The following DIAPH3 variants were observed in gnomAD, a reference collection of about 807,000 sequenced individuals.
The protein encoded by DIAPH3 is diaphanous related formin 3.
A neutral mutation model predicts 144.3 loss-of-function variants in DIAPH3; 117 were observed. The ratio of observed to expected loss-of-function variants is 0.81; its 90% CI spans 0.70 to 0.95. The LOEUF (loss-of-function observed/expected upper bound fraction) is 0.95. Among genes scored for constraint, DIAPH3 ranks in the 40% least tolerant of loss-of-function variants. DIAPH3 has a pLI of 0.00. For missense variants in DIAPH3, 1,421 were observed against 1,412.7 expected (o/e 1.01, Z -0.09); for synonymous variants, 519 against 488.9 (o/e 1.06, Z -0.81).
At chr13:60,148,868 G>C (rs1301790408) in intron 1 of DIAPH3, among the ~76,000 whole-genome samples, 1 of 152,192 alleles carries the variant, frequency 6.6e-6, no homozygotes, top group East Asian at 1.9e-4. Context: ...CAACACTGTA[G>C]TATGTGTTGA....
chr13:59,818,756 G>C (rs2040912106), intron 24 of DIAPH3, among the ~76,000 whole-genome samples: 1 of 151,650 alleles, frequency 6.6e-6, no homozygotes, highest in Non-Finnish European at 1.5e-5. Context: ...TTTGCATTCT[G>C]GACAATTTAT....
At chr13:59,982,400 T>G (rs770992509) in intron 13 of DIAPH3, among the ~76,000 whole-genome samples, 3 of 151,368 alleles carry the variant, frequency 2.0e-5, no homozygotes, top group Non-Finnish European at 4.4e-5. Flanking sequence ...TTTCTTAATT[T>G]CTGCTTCCTC....
At position 60,068,385 on chromosome 13, in the gene DIAPH3, T is replaced by C. The variant is rs183794855; in HGVS notation, c.495+25243A>G. Among the ~76,000 whole-genome samples, 343 of 152,356 alleles carry C rather than the reference T, an allele frequency of 2.3e-3. 2 individuals are homozygous for C. The highest frequency in any genetic ancestry group is 7.5e-3 in the African/African-American group (313 of 41,586). On this transcript the variant is annotated intron_variant, in intron 4 of 27. Coordinates refer to ENST00000400324, the MANE Select transcript of DIAPH3 (RefSeq NM_001042517.2). Reference sequence around the variant, plus strand: ...AGTAAAGATACTGGTAGGTATAAAGTTACTTTAATTTGGATATCCATACTG... The same window carrying C: ...AGTAAAGATACTGGTAGGTATAAAGCTACTTTAATTTGGATATCCATACTG...
At chr13:60,121,561 T>C (rs1163167018) in intron 2 of DIAPH3, among the ~76,000 whole-genome samples, 3 of 152,166 alleles carry the variant, frequency 2.0e-5, no homozygotes, top group Admixed American at 1.3e-4. Flanking sequence ...AGCTGGAAGC[T>C]TTTGAAGTAA....
At chr13:60,038,349 T>C (rs17057553) in intron 5 of DIAPH3, among the ~76,000 whole-genome samples, 13,360 of 152,136 alleles carry the variant, frequency 0.088, 640 homozygotes, top group East Asian at 0.14. Context: ...CTTCCTCAGA[T>C]CATGTTGATA....
rs9598078 is a variant in DIAPH3, at chr13:60,017,708, A to G, written c.627-1563T>C. ...TTAGACTGGCAATCTCTTGTCAGAC[A>G]ATATTTTACTCATCTCTTGCCAGTG... On this transcript the variant is annotated intron_variant, in intron 5 of 27. Coordinates refer to ENST00000400324, the MANE Select transcript of DIAPH3 (RefSeq NM_001042517.2). 8.2e-3 allele frequency among the ~76,000 whole-genome samples: 1,246 copies of G among 152,346 alleles called. 13 individuals are homozygous for G. The highest frequency in any genetic ancestry group is 0.013 in the Non-Finnish European group (885 of 68,016).
At chr13:60,052,567 T>C (rs192159319) in intron 4 of DIAPH3, among the ~76,000 whole-genome samples, 1 of 152,130 alleles carries the variant, frequency 6.6e-6, no homozygotes, top group Non-Finnish European at 1.5e-5. Flanking sequence ...TGTGATGCCA[T>C]CTTCTCCACT....
At chr13:59,829,336 G>A (rs546889435) in intron 24 of DIAPH3, among the ~76,000 whole-genome samples, 4 of 151,984 alleles carry the variant, frequency 2.6e-5, no homozygotes, top group East Asian at 3.9e-4. Context: ...AGCTAGTCCC[G>A]TTTGACACAG....
intron 4 of DIAPH3, among the ~76,000 whole-genome samples, chr13:60,056,585 A>G (rs1007272695): frequency 6.6e-6 from 1 of 151,880 alleles, no homozygotes; most frequent in Non-Finnish European, 1.5e-5. Context: ...TGAATTCTAA[A>G]TAACATTCTC....
At chr13:59,826,874 G>A (rs1023132548) in intron 24 of DIAPH3, among the ~76,000 whole-genome samples, 97 of 151,832 alleles carry the variant, frequency 6.4e-4, no homozygotes, top group African/African-American at 8.2e-4. Flanking sequence ...CAGAAATAAC[G>A]CCGCATATCT....
At chr13:60,021,519 G>C (rs1034069058) in intron 5 of DIAPH3, among the ~76,000 whole-genome samples, 3 of 152,050 alleles carry the variant, frequency 2.0e-5, no homozygotes, top group Non-Finnish European at 4.4e-5. Context: ...AGCTACTTGG[G>C]AGGCTGAGGC....
chr13:59,888,250 T>G (rs1415928573), intron 20 of DIAPH3, among the ~76,000 whole-genome samples: 1 of 151,956 alleles, frequency 6.6e-6, no homozygotes, highest in Non-Finnish European at 1.5e-5. Context: ...AGCTGCCTTG[T>G]CCCTCCACCA....
intron 22 of DIAPH3, among the ~76,000 whole-genome samples, chr13:59,856,280 A>G (rs1309022818): frequency 1.3e-5 from 2 of 152,206 alleles, no homozygotes; most frequent in African/African-American, 4.8e-5. Flanking sequence ...AGGCTACTGT[A>G]TTCTATAGCC....
At chr13:59,731,994 T>C (rs1041500825) in intron 27 of DIAPH3, among the ~76,000 whole-genome samples, 3 of 152,188 alleles carry the variant, frequency 2.0e-5, no homozygotes, top group African/African-American at 7.2e-5. Context: ...CTATGCTGAA[T>C]CTTTGTGGGG....
chr13:59,843,257 A>T (rs1442110893), intron 22 of DIAPH3, among the ~76,000 whole-genome samples: 1 of 152,206 alleles, frequency 6.6e-6, no homozygotes, highest in Admixed American at 6.5e-5. Context: ...ATGTCTGGTC[A>T]GAGGGCAGAA....
chr13:59,735,431 A>G (rs572678531), intron 27 of DIAPH3, among the ~76,000 whole-genome samples: 1 of 152,362 alleles, frequency 6.6e-6, no homozygotes, highest in South Asian at 2.1e-4. Flanking sequence ...TATTTAATAA[A>G]AAATCTGGAT....
rs2044855422 is a variant in DIAPH3, at chr13:59,879,404, T to C, written c.2432A>G (p.Glu811Gly). 1.9e-6 allele frequency: 3 copies of C among 1,613,760 alleles called. No homozygotes were observed. The highest frequency in any genetic ancestry group is 1.7e-6 in the Non-Finnish European group (2 of 1,179,856). ...GTCAGGTTTGATGTTGTTCACCTGC[T>C]CTTCAAACTGAAGCTTAAAGAGAAT... ...SAILFKLQFE[E>G]QVNNIKPDIM... is the part of the protein sequence containing the mutation. The change falls in exon 21 of 28, where the codon GAG becomes GGG. Residue 811 changes from glutamate to glycine, a missense_variant. Glu to Gly is a moderately conservative substitution (Grantham distance 98, BLOSUM62 -2). Coordinates refer to ENST00000400324, the MANE Select transcript of DIAPH3 (RefSeq NM_001042517.2).
At chr13:59,674,310 T>G (rs1287897110) in intron 27 of DIAPH3, among the ~76,000 whole-genome samples, 2 of 152,234 alleles carry the variant, frequency 1.3e-5, no homozygotes, top group Non-Finnish European at 2.9e-5. Context: ...TGGGTATATT[T>G]AGTATATTTA....
chr13:59,916,176 C>A lies in DIAPH3; in HGVS notation c.2244G>T (p.Arg748=). The change falls in exon 19 of 28, where the codon CGG becomes CGT. Residue 748 remains arginine (R), a synonymous_variant. Coordinates refer to ENST00000400324, the MANE Select transcript of DIAPH3 (RefSeq NM_001042517.2). ...RMMILEVDET[R]LAESMIQNLI... ...TTACCTGAATCATAGACTCTGCCAA[C>A]CGTGTTTCATCTACTTCCAATATCA... is the stretch of plus-strand genomic sequence containing the variant. 6.2e-7 allele frequency: 1 copy of A among 1,613,098 alleles called. No homozygotes were observed. The highest frequency in any genetic ancestry group is 8.5e-7 in the Non-Finnish European group (1 of 1,179,372).
Sources: gnomAD v4.1 joint callset for allele counts (sites outside exome capture counted in the v4.1 genomes callset) on GRCh38, gnomAD v4.1.1 for gene constraint, MANE v1.5 for transcripts, NCBI Gene and HGNC (gene_info 2026-07-23, HGNC 2026-07-21) for gene names.